Variants in EPHB1 observed in about 807,000 individuals in gnomAD.
The protein encoded by EPHB1 is EPH receptor B1.
A neutral mutation model predicts 94.4 loss-of-function variants in EPHB1; 30 were observed. The ratio of observed to expected loss-of-function variants is 0.32; its 90% CI spans 0.24 to 0.43. The LOEUF is 0.43. EPHB1 is among the 20% of genes least tolerant of loss of function. EPHB1 has a pLI of 1.00. For missense variants in EPHB1, 1,055 were observed against 1,308.3 expected, an observed-to-expected ratio of 0.81 and a Z score of 2.99; for synonymous variants, 522 against 489.1, an observed-to-expected ratio of 1.07 and a Z score of -0.89.
chr3:135,001,768 A>T (rs1935190472), intron 3 of EPHB1, among the ~76,000 whole-genome samples: 1 of 152,078 alleles, frequency 6.6e-6, no homozygotes, highest in Admixed American at 6.5e-5. Context: ...CTCATAATGT[A>T]TCTTATAGAT....
intron 3 of EPHB1, among the ~76,000 whole-genome samples, chr3:135,005,803 T>C (rs1326222085): frequency 6.6e-6 from 1 of 152,352 alleles, no homozygotes; most frequent in Non-Finnish European, 1.5e-5. Context: ...GGCAATGCCT[T>C]GCCCTGCTTC....
rs536952678 is a variant in EPHB1, at chr3:135,183,247, T to TTC, written c.1882+3265_1882+3266insTC. On this transcript the variant is annotated intron_variant, in intron 10 of 15. Transcript: ENST00000398015. ...CCCTCCCTTCCTCCCTCCCTCCCTT[T>TTC]CTTCCTTCCTTCCTTCCTTCCTTCC... 3.0e-4 allele frequency among the ~76,000 whole-genome samples: 27 copies of TTC among 91,396 alleles called. 1 individual carries two copies. The East Asian group carries it at 5.1e-3, about 17-fold the overall frequency. The allele number at this position is 91,396 out of a possible 152,430, so 60.0% of individuals were successfully genotyped here. A position where few individuals can be genotyped will look rare whatever the true frequency, so the allele number is the denominator to read the frequency against.
intron 15 of EPHB1, among the ~76,000 whole-genome samples, chr3:135,252,145 T>C (rs922938995): frequency 4.6e-5 from 7 of 151,822 alleles, no homozygotes; most frequent in African/African-American, 1.7e-4. Context: ...ACAAAAAAAT[T>C]GTTACTGTTA....
At chr3:135,219,839 G>A (rs898490757) in intron 12 of EPHB1, among the ~76,000 whole-genome samples, 20 of 152,146 alleles carry the variant, frequency 1.3e-4, no homozygotes, top group African/African-American at 4.8e-4. Context: ...AAGGAAGGCG[G>A]GGATCTTGTC....
intron 1 of EPHB1, among the ~76,000 whole-genome samples, chr3:134,845,782 G>T (rs1035402607): frequency 6.6e-6 from 1 of 152,070 alleles, no homozygotes; most frequent in Non-Finnish European, 1.5e-5. Context: ...CCACTGTTTT[G>T]CCCCAAAGCA....
chr3:135,000,709 T>C (rs1277894573), intron 3 of EPHB1, among the ~76,000 whole-genome samples: 1 of 152,250 alleles, frequency 6.6e-6, no homozygotes, highest in Non-Finnish European at 1.5e-5. Context: ...TTGGCCCGTC[T>C]TGCATGGTTC....
chr3:134,980,797 A>G (rs1417755818), intron 3 of EPHB1, among the ~76,000 whole-genome samples: 1 of 152,184 alleles, frequency 6.6e-6, no homozygotes, highest in Non-Finnish European at 1.5e-5. Context: ...CTAGGGGCTT[A>G]AGTATTATAT....
chr3:135,094,045 T>C (rs1158613811), intron 3 of EPHB1, among the ~76,000 whole-genome samples: 1 of 152,238 alleles, frequency 6.6e-6, no homozygotes, highest in African/African-American at 2.4e-5. Flanking sequence ...ATGAGTGCCC[T>C]CATAGTTAAA....
intron 1 of EPHB1, among the ~76,000 whole-genome samples, chr3:134,911,338 T>C (rs1019324896): frequency 1.3e-5 from 2 of 150,490 alleles, no homozygotes; most frequent in African/African-American, 4.9e-5. Context: ...AAAGTTGGGC[T>C]AGGGCTGTTT....
intron 1 of EPHB1, among the ~76,000 whole-genome samples, chr3:134,896,352 T>C (rs946076923): frequency 6.6e-6 from 1 of 152,210 alleles, no homozygotes; most frequent in Non-Finnish European, 1.5e-5. Context: ...GTGCACTGGA[T>C]GTGGATTGCC....
rs1178810494 is a variant in EPHB1 at position 134,806,137 on chromosome 3, T to C, written c.58+10448T>C. On this transcript the variant is annotated intron_variant, in intron 1 of 15. Transcript: ENST00000398015. ...TCATTTAAAATATATCTACAAATATTTTATACTCTTCCTATCAAAATGTGG... is the reference window on the plus strand; with the variant it reads ...TCATTTAAAATATATCTACAAATATCTTATACTCTTCCTATCAAAATGTGG... Among the ~76,000 whole-genome samples the C allele has an allele frequency of 3.3e-5, 5 of 152,178 alleles. No individual in the cohort carries two copies. The East Asian group carries it at 7.7e-4, about 23-fold the overall frequency.
intron 3 of EPHB1, among the ~76,000 whole-genome samples, chr3:134,997,840 T>G (rs1935044212): frequency 6.6e-6 from 1 of 152,236 alleles, no homozygotes; most frequent in African/African-American, 2.4e-5. Flanking sequence ...ATGCTCTTCC[T>G]CTCACACAGT....
At chr3:135,209,751 T>G (rs1576470906) in intron 12 of EPHB1, among the ~76,000 whole-genome samples, 1 of 152,200 alleles carries the variant, frequency 6.6e-6, no homozygotes, top group African/African-American at 2.4e-5. Context: ...TTCTTGCAAC[T>G]TTTATAGATA....
intron 3 of EPHB1, among the ~76,000 whole-genome samples, chr3:135,077,365 C>T (rs1937972819): frequency 6.6e-6 from 1 of 152,212 alleles, no homozygotes; most frequent in South Asian, 2.1e-4. Flanking sequence ...GGGACCATTC[C>T]TGCTCTCTGA....
intron 3 of EPHB1, among the ~76,000 whole-genome samples, chr3:135,038,979 G>C (rs1936738928): frequency 6.6e-6 from 1 of 152,118 alleles, no homozygotes; most frequent in Admixed American, 6.6e-5. Flanking sequence ...CAATCCCTGA[G>C]CTAGATACAA....
chr3:135,200,891 G>A (rs1703962580), intron 11 of EPHB1, among the ~76,000 whole-genome samples: 1 of 152,148 alleles, frequency 6.6e-6, no homozygotes, highest in Admixed American at 6.5e-5. Flanking sequence ...GAAAACAGAG[G>A]GAATAGCACA....
chr3:135,087,773 G>T (rs529563012), intron 3 of EPHB1, among the ~76,000 whole-genome samples: 1 of 152,134 alleles, frequency 6.6e-6, no homozygotes, highest in Non-Finnish European at 1.5e-5. Context: ...GGAAGAGTTC[G>T]CATCAGTGAA....
intron 1 of EPHB1, among the ~76,000 whole-genome samples, chr3:134,844,417 A>G (rs1206861057): frequency 1.3e-5 from 2 of 152,208 alleles, no homozygotes; most frequent in Non-Finnish European, 2.9e-5. Context: ...GTGTGTGGCT[A>G]TGTTGGCTCC....
chr3:134,905,127 AT>A (rs2038290963), intron 1 of EPHB1, among the ~76,000 whole-genome samples: 1 of 152,180 alleles, frequency 6.6e-6, no homozygotes, highest in South Asian at 2.1e-4. Flanking sequence ...TCACTCCCCA[AT>A]AGCTGCATCA....
Sources: allele counts gnomAD v4.1 joint callset (sites outside exome capture counted in the v4.1 genomes callset), GRCh38; gene constraint gnomAD v4.1.1; transcripts MANE v1.5; gene names NCBI Gene and HGNC (gene_info 2026-07-23, HGNC 2026-07-21).